EYS: variants seen among roughly 807,000 people sequenced by gnomAD.
EYS encodes protein eyes shut homolog.
EYS carries 250 observed loss-of-function variants against 282.1 expected under a neutral mutation model. That is an observed-to-expected ratio of 0.89 (90% CI 0.80 to 0.98). The LOEUF is 0.98. Among genes scored for constraint, EYS ranks in the 50% least tolerant of loss-of-function variants. The pLI is 0.00. For synonymous variants in EYS, 1,355 were observed against 1,282.9 expected (o/e 1.06, Z -1.20); for missense variants, 4,016 against 3,709.0 (o/e 1.08, Z -2.15).
chr6:65,371,216 C>A (rs773490488), intron 8 of EYS, among the ~76,000 whole-genome samples: 7 of 151,646 alleles, frequency 4.6e-5, no homozygotes, highest in African/African-American at 7.3e-5. Context: ...AACAACATAG[C>A]ATTTACTTTG....
rs1249710667 is a variant in EYS, at chr6:65,429,797, T to C, written c.863-24430A>G. Among the ~76,000 whole-genome samples the C allele has an allele frequency of 2.0e-5, 3 of 149,690 alleles. No individual in the cohort carries two copies. The Admixed American group carries it at 2.0e-4, about 10-fold the overall frequency. On this transcript the variant is annotated intron_variant, in intron 5 of 42. Coordinates refer to ENST00000503581, the MANE Select transcript of EYS (RefSeq NM_001142800.2). ...ACAAATAATTTCAGGCTAATGAAAATGTCTTGGAAAATAAATGAAGAAAAT... is the reference window on the plus strand; with the variant it reads ...ACAAATAATTTCAGGCTAATGAAAACGTCTTGGAAAATAAATGAAGAAAAT...
At chr6:65,545,368 A>G (rs1298743778) in intron 2 of EYS, among the ~76,000 whole-genome samples, 1 of 152,108 alleles carries the variant, frequency 6.6e-6, no homozygotes, top group African/African-American at 2.4e-5. Context: ...GTATTTAGAT[A>G]TTAACCAACA....
chr6:64,557,666 A>G lies in EYS; in HGVS notation c.5644+32557T>C, dbSNP rs948640613. Among the ~76,000 whole-genome samples, 36 of 152,212 alleles carry G rather than the reference A, an allele frequency of 2.4e-4. 1 individual carries two copies. Among genetic ancestry groups the G allele is most frequent in the African/African-American group, 8.7e-4 (36 of 41,568 alleles). ...AAATATAAAAATGTATTAACTATTA[A>G]CTTTATTACTAAAAGTTTAACGGTA... On this transcript the variant is annotated intron_variant, in intron 26 of 42. Transcript: ENST00000503581.
chr6:65,466,163 G>A (rs1582332694), intron 5 of EYS, among the ~76,000 whole-genome samples: 1 of 152,124 alleles, frequency 6.6e-6, no homozygotes, highest in Non-Finnish European at 1.5e-5. Context: ...ATATTATAAT[G>A]TATATATGAT....
intron 30 of EYS, among the ~76,000 whole-genome samples, chr6:64,233,148 G>GA (rs559111049): frequency 5.7e-4 from 86 of 152,098 alleles, no homozygotes; most frequent in African/African-American, 2.0e-3. Flanking sequence ...TGTCTCACCT[G>GA]AAAAAAATCA....
chr6:65,637,871 C>G lies in EYS; in HGVS notation c.-333+1907G>C, dbSNP rs192601055. The stretch of plus-strand genomic sequence containing the variant: ...CATGGGCCTGCAGCACCCCTCAACA[C>G]AAACAGCCTGGGCACTGTGGACAGC... On this transcript the variant is annotated intron_variant, in intron 2 of 42. Transcript: ENST00000503581. 3.3e-5 allele frequency among the ~76,000 whole-genome samples: 5 copies of G among 152,188 alleles called. No homozygotes were observed. The East Asian group carries it at 9.7e-4, about 30-fold the overall frequency.
At position 65,332,453 on chromosome 6, in the gene EYS, T is replaced by C. The variant is rs1010430781; in HGVS notation, c.1766+2527A>G. 4 of 1,378,342 alleles carry C rather than the reference T, an allele frequency of 2.9e-6. No homozygotes were observed. In the Admixed American group the frequency reaches 7.9e-5, roughly 27 times the overall value. 85.4% of individuals were successfully genotyped at this position (1,378,342 alleles called of 1,614,324 possible). Reference sequence around the variant, plus strand: ...ATTTGGGAAGAATTAATATTTTAGCTAACTTAAGGCCTAATATTTAAGTCT... The same window carrying C: ...ATTTGGGAAGAATTAATATTTTAGCCAACTTAAGGCCTAATATTTAAGTCT... On this transcript the variant is annotated intron_variant, in intron 11 of 42. Coordinates refer to ENST00000503581, the MANE Select transcript of EYS (RefSeq NM_001142800.2).
intron 5 of EYS, among the ~76,000 whole-genome samples, chr6:65,442,007 C>T (rs1768347047): frequency 6.6e-6 from 1 of 151,854 alleles, no homozygotes. Flanking sequence ...TGATTCATTC[C>T]CAAAAATATG....
chr6:64,821,866 T>A, intron 20 of EYS, 143 bp from the exon 21 acceptor site: 1 of 482,058 alleles, frequency 2.1e-6, no homozygotes, highest in Non-Finnish European at 3.7e-6. Flanking sequence ...AGTTTATTCC[T>A]GGGTTTCTTA....
chr6:64,588,728 C>T (rs1056533578), intron 26 of EYS, among the ~76,000 whole-genome samples: 2 of 151,924 alleles, frequency 1.3e-5, no homozygotes, highest in Non-Finnish European at 2.9e-5. Context: ...CCCCAAATAC[C>T]CAGTTAGACT....
chr6:64,391,460 G>C (rs1773137427), intron 28 of EYS, among the ~76,000 whole-genome samples: 1 of 151,830 alleles, frequency 6.6e-6, no homozygotes, highest in Non-Finnish European at 1.5e-5. Flanking sequence ...AAGAGAGTGG[G>C]GGCCAATATT....
At chr6:65,672,760 GA>G (rs1390255539) in intron 1 of EYS, among the ~76,000 whole-genome samples, 1 of 152,092 alleles carries the variant, frequency 6.6e-6, no homozygotes, top group Non-Finnish European at 1.5e-5. Flanking sequence ...AACAAAGACA[GA>G]AAATTTTCAT....
intron 22 of EYS, among the ~76,000 whole-genome samples, chr6:64,731,835 C>A (rs1771980182): frequency 1.3e-5 from 2 of 152,120 alleles, no homozygotes; most frequent in Admixed American, 6.5e-5. Context: ...GATTATAAAT[C>A]ATTATACTAA....
intron 5 of EYS, among the ~76,000 whole-genome samples, chr6:65,429,345 C>T (rs1767789025): frequency 6.6e-6 from 1 of 152,110 alleles, no homozygotes; most frequent in African/African-American, 2.4e-5. Context: ...CTTCCAGCCT[C>T]TGGGATTCTT....
At chr6:64,627,808 G>T (rs1231413136) in intron 22 of EYS, among the ~76,000 whole-genome samples, 1 of 152,302 alleles carries the variant, frequency 6.6e-6, no homozygotes, top group Admixed American at 6.5e-5. Flanking sequence ...GGCCGGGGGC[G>T]GTGGCTCACG....
chr6:65,216,005 G>A (rs1009729842), intron 12 of EYS, among the ~76,000 whole-genome samples: 7 of 151,896 alleles, frequency 4.6e-5, no homozygotes, highest in African/African-American at 1.7e-4. Context: ...TTTTATTGCA[G>A]TGGTCTAGAA....
chr6:64,348,437 G>GT lies in EYS; in HGVS notation c.6078+40252_6078+40253insA, dbSNP rs1663232762. Among the ~76,000 whole-genome samples the GT allele has an allele frequency of 0.011, 15 of 1,400 alleles. No individual in the cohort carries two copies. The Admixed American group carries it at 0.16, about 15-fold the overall frequency. 0.9% of individuals were successfully genotyped at this position (1,400 alleles called of 152,430 possible). A position where few individuals can be genotyped will look rare whatever the true frequency, so the allele number is the denominator to read the frequency against. ...CAGTTCTTTTCTTTCTCCCATGGAAGCCACTCCCATGGAAGTAACTTTCAG... is the reference window on the plus strand; with the variant it reads ...CAGTTCTTTTCTTTCTCCCATGGAAGTCCACTCCCATGGAAGTAACTTTCAG... On this transcript the variant is annotated intron_variant, in intron 29 of 42. Coordinates refer to ENST00000503581, the MANE Select transcript of EYS (RefSeq NM_001142800.2).
intron 29 of EYS, among the ~76,000 whole-genome samples, chr6:64,329,209 A>G (rs948841967): frequency 4.6e-5 from 7 of 152,196 alleles, no homozygotes; most frequent in African/African-American, 1.7e-4. Context: ...CTATTGTCTA[A>G]AAATTATGTC....
chr6:64,000,025 TGA>T (rs533650137), intron 33 of EYS, among the ~76,000 whole-genome samples: 20 of 152,262 alleles, frequency 1.3e-4, no homozygotes, highest in African/African-American at 4.6e-4. Context: ...TTCTGCATAC[TGA>T]GAGTGTGGGT....
Sources: allele counts gnomAD v4.1 joint callset (sites outside exome capture counted in the v4.1 genomes callset), GRCh38; gene constraint gnomAD v4.1.1; transcripts MANE v1.5; gene names NCBI Gene and HGNC (gene_info 2026-07-23, HGNC 2026-07-21).